The following PIAS2 variants were observed in gnomAD, a reference collection of about 807,000 sequenced individuals.
PIAS2 encodes protein inhibitor of activated STAT 2, also known as E3 SUMO-protein ligase PIAS2.
In PIAS2, 19 loss-of-function variants were observed where a neutral mutation model predicts 69.7. That is an observed-to-expected ratio of 0.27 (90% CI 0.19 to 0.40). PIAS2 has a LOEUF of 0.40. PIAS2 is among the 10% of genes least tolerant of loss of function. The probability of loss-of-function intolerance (pLI) is 1.00; values close to 1 mark genes in which losing one functional copy is unlikely to be tolerated. For synonymous variants in PIAS2, 261 were observed against 263.2 expected, an observed-to-expected ratio of 0.99 and a Z score of 0.08; for missense variants, 624 against 757.0, an observed-to-expected ratio of 0.82 and a Z score of 2.06.
chr18:46,885,972 T>G (rs2053112281), intron 2 of PIAS2, among the ~76,000 whole-genome samples: 1 of 152,220 alleles, frequency 6.6e-6, no homozygotes, highest in South Asian at 2.1e-4. Flanking sequence ...AACTCTGTGA[T>G]GAACAGAGCA....
At position 46,809,853 on chromosome 18, in the gene PIAS2, G is replaced by C. The variant is rs980615277; in HGVS notation, c.*2580C>G. Reference sequence around the variant, plus strand: ...TCACTGGTTGGCTGACAGAATCTAGGTGACAGCTAAGATCACCCCTCTGAA... The same window carrying C: ...TCACTGGTTGGCTGACAGAATCTAGCTGACAGCTAAGATCACCCCTCTGAA... On this transcript the variant is annotated 3_prime_UTR_variant, in exon 14 of 14. Coordinates refer to ENST00000585916, the MANE Select transcript of PIAS2 (RefSeq NM_004671.5). 3 of 152,016 alleles carry C rather than the reference G, an allele frequency of 2.0e-5. No homozygotes were observed. Among genetic ancestry groups the C allele is most frequent in the African/African-American group, 7.2e-5 (3 of 41,384 alleles). 9.4% of individuals were successfully genotyped at this position (152,016 alleles called of 1,614,324 possible).
At chr18:46,813,679 C>T (rs939665772) in intron 13 of PIAS2, among the ~76,000 whole-genome samples, 1 of 152,042 alleles carries the variant, frequency 6.6e-6, no homozygotes, top group Non-Finnish European at 1.5e-5. Context: ...TTTCCAAGGC[C>T]GGTGAATAAA....
rs1364421368 is a variant in PIAS2 at position 46,812,342 on chromosome 18, A to T, written c.*91T>A. ...GACTTTCAATAAATACCAAATTATTAAAAAAAAAAAAAAAAGAACGTTTCC... is the reference window on the plus strand; with the variant it reads ...GACTTTCAATAAATACCAAATTATTTAAAAAAAAAAAAAAAGAACGTTTCC... On this transcript the variant is annotated 3_prime_UTR_variant, in exon 14 of 14. Transcript: ENST00000585916. 4.1e-5 allele frequency: 6 copies of T among 146,292 alleles called. No homozygotes were observed. Among genetic ancestry groups the T allele is most frequent in the South Asian group, 1.4e-4 (1 of 6,920 alleles). The allele number at this position is 146,292 out of a possible 1,614,324, so 9.1% of individuals were successfully genotyped here. A position where few individuals can be genotyped will look rare whatever the true frequency, so the allele number is the denominator to read the frequency against.
At chr18:46,904,533 C>G (rs371689098) in intron 1 of PIAS2, among the ~76,000 whole-genome samples, 2 of 152,012 alleles carry the variant, frequency 1.3e-5, no homozygotes, top group East Asian at 3.9e-4. Flanking sequence ...GGCAGATCAC[C>G]TGAGATCAGG....
intron 5 of PIAS2, among the ~76,000 whole-genome samples, chr18:46,849,742 T>C (rs1039042989): frequency 6.6e-6 from 1 of 152,154 alleles, no homozygotes; most frequent in African/African-American, 2.4e-5. Flanking sequence ...TACGGAAATT[T>C]CAAACATACA....
At chr18:46,885,728 T>A (rs939469291) in intron 2 of PIAS2, among the ~76,000 whole-genome samples, 1 of 152,238 alleles carries the variant, frequency 6.6e-6, no homozygotes, top group East Asian at 1.9e-4. Flanking sequence ...AAAACATTGT[T>A]TTTAGTTCAA....
chr18:46,917,507 T>C lies in PIAS2; in HGVS notation c.-162A>G, dbSNP rs1342489833. On this transcript the variant is annotated 5_prime_UTR_variant, in exon 1 of 14. Transcript: ENST00000585916. ...CGCCGCTACAGCCGGGCCCGTCACG[T>C]GAACGGCGCGGGAGCTCCGCCTCCG... 5 of 1,182,248 alleles carry C rather than the reference T, an allele frequency of 4.2e-6. No homozygotes were observed. Among genetic ancestry groups the C allele is most frequent in the Non-Finnish European group, 5.2e-6 (5 of 953,978 alleles). 73.2% of individuals were successfully genotyped at this position (1,182,248 alleles called of 1,614,324 possible). A position where few individuals can be genotyped will look rare whatever the true frequency, so the allele number is the denominator to read the frequency against.
At chr18:46,854,098 C>A (rs1207365254) in intron 5 of PIAS2, among the ~76,000 whole-genome samples, 1 of 152,182 alleles carries the variant, frequency 6.6e-6, no homozygotes, top group Non-Finnish European at 1.5e-5. Context: ...GTGTATGCGA[C>A]AAATGAGACT....
intron 1 of PIAS2, among the ~76,000 whole-genome samples, chr18:46,896,524 A>G (rs970224207): frequency 2.6e-5 from 4 of 152,242 alleles, no homozygotes; most frequent in Non-Finnish European, 4.4e-5. Flanking sequence ...AATAAAAGCC[A>G]GGGAGTAAAA....
At chr18:46,915,427 T>C (rs1052884052) in intron 1 of PIAS2, 1 of 152,222 alleles carries the variant, frequency 6.6e-6, no homozygotes, top group Non-Finnish European at 1.5e-5. Context: ...TGATGCTTAC[T>C]GCATGTGCCC....
At chr18:46,877,339 A>G (rs981720941) in intron 2 of PIAS2, among the ~76,000 whole-genome samples, 24 of 152,304 alleles carry the variant, frequency 1.6e-4, no homozygotes, top group African/African-American at 4.3e-4. Flanking sequence ...TTTAATTTGT[A>G]ACTTCCTTGT....
intron 9 of PIAS2, among the ~76,000 whole-genome samples, chr18:46,834,812 AG>A (rs2088258183): frequency 6.6e-6 from 1 of 152,218 alleles, no homozygotes; most frequent in African/African-American, 2.4e-5. Flanking sequence ...TTAATACGTA[AG>A]GCTGCTAAGA....
At chr18:46,870,312 G>A (rs1047649233) in intron 2 of PIAS2, among the ~76,000 whole-genome samples, 2 of 152,002 alleles carry the variant, frequency 1.3e-5, no homozygotes, top group Non-Finnish European at 2.9e-5. Flanking sequence ...TCAGAAGTTC[G>A]AAATTTAAAA....
rs200505883 is a variant in PIAS2 at position 46,890,736 on chromosome 18, A to G, written c.343T>C (p.Ser115Pro). The change falls in exon 2 of 14, where the codon TCC becomes CCC. Residue 115 changes from serine (S) to proline (P), a missense_variant. This residue lies in a region of PIAS2 where 339 missense variants were observed against 408.8 expected (regional missense o/e 0.83). Coordinates refer to ENST00000585916, the MANE Select transcript of PIAS2 (RefSeq NM_004671.5). Reference sequence around the variant, plus strand: ...AGCAGCACAGAACCAACAGGAGAGGATGGTGAGTGAGGTGTAACTGAAGTG... The same window carrying G: ...AGCAGCACAGAACCAACAGGAGAGGGTGGTGAGTGAGGTGTAACTGAAGTG... ...PSTSVTPHSP[S>P]SPVGSVLLQD... 14 of 1,614,088 alleles carry G rather than the reference A, an allele frequency of 8.7e-6. No individual in the cohort carries two copies. In the Admixed American group the frequency reaches 1.7e-4, roughly 19 times the overall value.
intron 2 of PIAS2, among the ~76,000 whole-genome samples, chr18:46,873,584 A>G (rs895709500): frequency 6.6e-6 from 1 of 152,204 alleles, no homozygotes; most frequent in African/African-American, 2.4e-5. Context: ...ACATTTACAA[A>G]ACCAAGAAGG....
rs201493846 is a variant in PIAS2, at chr18:46,810,679, T to C, written c.*1754A>G. 3 of 148,076 alleles carry C rather than the reference T, an allele frequency of 2.0e-5. No individual in the cohort carries two copies. The highest frequency in any genetic ancestry group is 2.1e-4 in the South Asian group (1 of 4,688). The allele number at this position is 148,076 out of a possible 1,614,324, so 9.2% of individuals were successfully genotyped here. A position where few individuals can be genotyped will look rare whatever the true frequency, so the allele number is the denominator to read the frequency against. On this transcript the variant is annotated 3_prime_UTR_variant, in exon 14 of 14. Coordinates refer to ENST00000585916, the MANE Select transcript of PIAS2 (RefSeq NM_004671.5). The stretch of plus-strand genomic sequence containing the variant: ...CAAAGAAGGGATTTGTGGAAAACCA[T>C]ATGAATTTAAATCAACATAAAAAGA...
At chr18:46,855,640 G>T in intron 3 of PIAS2, 25 bp from the exon 4 acceptor site, 1 of 1,564,678 alleles carries the variant, frequency 6.4e-7, no homozygotes, top group Non-Finnish European at 8.8e-7. Context: ...AAGAAAATGG[G>T]TTAAAAAAGT....
intron 5 of PIAS2, among the ~76,000 whole-genome samples, chr18:46,854,462 A>C (rs1385588850): frequency 6.6e-6 from 1 of 152,172 alleles, no homozygotes; most frequent in Non-Finnish European, 1.5e-5. Context: ...CAAACGTGCC[A>C]TGTTGTACTA....
rs756965728 is a variant in PIAS2, at chr18:46,805,544, G to C, written c.*6889C>G. Reference sequence around the variant, plus strand: ...TAGAGACGTGTAACGATGCAGTAGGGGGGAAGGACAGCAACCACTGTATCT... The same window carrying C: ...TAGAGACGTGTAACGATGCAGTAGGCGGGAAGGACAGCAACCACTGTATCT... On this transcript the variant is annotated 3_prime_UTR_variant, in exon 14 of 14. Coordinates refer to ENST00000585916, the MANE Select transcript of PIAS2 (RefSeq NM_004671.5). 3 of 152,188 alleles carry C rather than the reference G, an allele frequency of 2.0e-5. No individual in the cohort carries two copies. The highest frequency in any genetic ancestry group is 4.4e-5 in the Non-Finnish European group (3 of 68,078). The allele number at this position is 152,188 out of a possible 1,614,324, so 9.4% of individuals were successfully genotyped here. A position where few individuals can be genotyped will look rare whatever the true frequency, so the allele number is the denominator to read the frequency against.
Sources: allele counts gnomAD v4.1 joint callset (sites outside exome capture counted in the v4.1 genomes callset), GRCh38; gene constraint gnomAD v4.1.1; regional missense constraint gnomAD v4.1.1; transcripts MANE v1.5; gene names NCBI Gene and HGNC (gene_info 2026-07-23, HGNC 2026-07-21).